The following SNRK variants were observed in gnomAD, a reference collection of about 807,000 sequenced individuals.
SNRK encodes the protein SNF related kinase, also known as SNF-related serine/threonine-protein kinase.
Under a neutral mutation model 48.2 loss-of-function variants are expected in SNRK, and 3 were observed. That is an observed-to-expected ratio of 0.06 (90% CI 0.03 to 0.16). The LOEUF (loss-of-function observed/expected upper bound fraction) is 0.16. SNRK is among the 10% of genes least tolerant of loss of function. The pLI is 1.00. For synonymous variants in SNRK, 376 were observed against 366.1 expected, an observed-to-expected ratio of 1.03 and a Z score of -0.31; for missense variants, 627 against 976.0, an observed-to-expected ratio of 0.64 and a Z score of 4.76.
chr3:43,343,256 C>T, intron 5 of SNRK, 88 bp from the exon 6 acceptor site: 1 of 1,416,232 alleles, frequency 7.1e-7, no homozygotes, highest in Non-Finnish European at 9.3e-7. Context: ...TTGAATTTAA[C>T]TTGCTTGTAC....
intron 3 of SNRK, among the ~76,000 whole-genome samples, chr3:43,328,558 C>T (rs1431685846): frequency 2.0e-5 from 3 of 152,056 alleles, no homozygotes; most frequent in South Asian, 2.1e-4. Context: ...TATATTAAGA[C>T]AGGTACCACT....
intron 3 of SNRK, among the ~76,000 whole-genome samples, chr3:43,309,015 G>A (rs2090958415): frequency 6.6e-6 from 1 of 152,184 alleles, no homozygotes; most frequent in African/African-American, 2.4e-5. Context: ...ACAGTTTGTG[G>A]AGGAAATAAC....
intron 3 of SNRK, among the ~76,000 whole-genome samples, chr3:43,316,668 T>C (rs1012514856): frequency 5.9e-5 from 9 of 152,224 alleles, no homozygotes; most frequent in East Asian, 3.9e-4. Context: ...CACTCTCTGC[T>C]CATTTAGGGA....
intron 3 of SNRK, among the ~76,000 whole-genome samples, chr3:43,307,309 G>A (rs1306908552): frequency 6.6e-6 from 1 of 152,068 alleles, no homozygotes; most frequent in Non-Finnish European, 1.5e-5. Flanking sequence ...TTTTGTCATT[G>A]CTTTAGATTT....
intron 3 of SNRK, among the ~76,000 whole-genome samples, chr3:43,307,385 GC>G (rs200297991): frequency 0.023 from 3,573 of 152,100 alleles, 144 homozygotes; most frequent in African/African-American, 0.081. Context: ...CTCAGATCTT[GC>G]GGTTTTTTTG....
rs79623967 is a variant in SNRK, at chr3:43,324,646, C to T, written c.590-7523C>T. ...AGAGAACTTTTCTAAACTTTTAATA[C>T]GAAGGAAAATCTGAAAGTTATAATC... On this transcript the variant is annotated intron_variant, in intron 3 of 6. Transcript: ENST00000296088. 8.1e-3 allele frequency among the ~76,000 whole-genome samples: 1,231 copies of T among 151,980 alleles called. 8 individuals carry two copies. Among genetic ancestry groups the T allele is most frequent in the Non-Finnish European group, 0.014 (949 of 67,984 alleles).
At chr3:43,291,421 C>A (rs1028818255) in intron 1 of SNRK, among the ~76,000 whole-genome samples, 7 of 152,106 alleles carry the variant, frequency 4.6e-5, no homozygotes, top group African/African-American at 1.7e-4. Context: ...TGTTTAGGGG[C>A]CAGTTTGTTG....
At chr3:43,322,654 T>A (rs1179579782) in intron 3 of SNRK, among the ~76,000 whole-genome samples, 1 of 152,144 alleles carries the variant, frequency 6.6e-6, no homozygotes, top group Non-Finnish European at 1.5e-5. Flanking sequence ...GCTACAATGA[T>A]AAAGACTGTA....
intron 6 of SNRK, among the ~76,000 whole-genome samples, 158 bp downstream of exon 6, chr3:43,343,636 C>T (rs886309504): frequency 8.6e-5 from 13 of 151,268 alleles, no homozygotes; most frequent in Admixed American, 7.9e-4. Context: ...TTCAGGTGTA[C>T]ATGAGGGTCT....
chr3:43,314,501 G>A (rs2091001012), intron 3 of SNRK, among the ~76,000 whole-genome samples: 1 of 152,122 alleles, frequency 6.6e-6, no homozygotes, highest in Non-Finnish European at 1.5e-5. Context: ...GCCAAGAGTT[G>A]TACTTAAGAC....
At chr3:43,345,274 C>T (rs2091267122) in intron 6 of SNRK, among the ~76,000 whole-genome samples, 1 of 152,170 alleles carries the variant, frequency 6.6e-6, no homozygotes, top group African/African-American at 2.4e-5. Flanking sequence ...ACGTTATCGA[C>T]AAGACCCTGG....
intron 1 of SNRK, among the ~76,000 whole-genome samples, chr3:43,287,087 GGT>G (rs2090771552): frequency 6.6e-6 from 1 of 150,992 alleles, no homozygotes; most frequent in South Asian, 2.1e-4. Flanking sequence ...CGCTTGGTAG[GGT>G]GTGTGTTCTT....
In SNRK at chr3:43,340,457, G is replaced by A. The variant is rs552460740; in HGVS notation, c.902G>A (p.Arg301His). 3.1e-6 allele frequency: 5 copies of A among 1,614,130 alleles called. No individual in the cohort carries two copies. The highest frequency in any genetic ancestry group is 1.3e-5 in the African/African-American group (1 of 75,028). The change falls in exon 5 of 7, where the codon CGC becomes CAC. Residue 301 changes from arginine to histidine, a missense_variant. Transcript: ENST00000296088. Reference sequence around the variant, plus strand: ...GAGGAGCACAACAGCATCATTCAGCGCATGGTGCTTGGGGACATAGCGGAT... The same window carrying A: ...GAGGAGCACAACAGCATCATTCAGCACATGGTGCTTGGGGACATAGCGGAT... Reference protein sequence around the residue: ...SEEEHNSIIQRMVLGDIADRD... With the variant: ...SEEEHNSIIQHMVLGDIADRD...
intron 4 of SNRK, among the ~76,000 whole-genome samples, chr3:43,338,950 A>G (rs1296464804): frequency 2.0e-5 from 3 of 152,188 alleles, no homozygotes; most frequent in Admixed American, 6.6e-5. Flanking sequence ...TTTACATCTG[A>G]AAATTTCAGT....
chr3:43,333,750 G>GTAGTAAAA (rs1244501702), intron 4 of SNRK, among the ~76,000 whole-genome samples: 1 of 152,100 alleles, frequency 6.6e-6, no homozygotes, highest in African/African-American at 2.4e-5. Flanking sequence ...CAATGTATAT[G>GTAGTAAAA]TAGTAAAATG....
chr3:43,339,860 T>C (rs1264218446), intron 4 of SNRK, among the ~76,000 whole-genome samples: 17 of 97,690 alleles, frequency 1.7e-4, no homozygotes, highest in South Asian at 3.5e-4. Context: ...TATATATATA[T>C]ATATATATAT....
chr3:43,319,571 C>T (rs891613917), intron 3 of SNRK, among the ~76,000 whole-genome samples: 6 of 152,222 alleles, frequency 3.9e-5, no homozygotes, highest in Middle Eastern at 3.4e-3. Flanking sequence ...TTGGATGGGG[C>T]GGTGCCAAGC....
chr3:43,345,999 C>G (rs1487125571), intron 6 of SNRK, among the ~76,000 whole-genome samples: 1 of 152,160 alleles, frequency 6.6e-6, no homozygotes, highest in Admixed American at 6.5e-5. Context: ...CTGCAGACTC[C>G]GGAGACTCTT....
chr3:43,305,889 A>C (rs2090934028), intron 3 of SNRK, among the ~76,000 whole-genome samples: 1 of 152,224 alleles, frequency 6.6e-6, no homozygotes, highest in Admixed American at 6.5e-5. Flanking sequence ...GCATGAGAGC[A>C]AGATAGGTTA....
Sources: gnomAD v4.1 joint callset for allele counts (sites outside exome capture counted in the v4.1 genomes callset) on GRCh38, gnomAD v4.1.1 for gene constraint, MANE v1.5 for transcripts, NCBI Gene and HGNC (gene_info 2026-07-23, HGNC 2026-07-21) for gene names.